BRWD3: variants seen among roughly 807,000 people sequenced by gnomAD.
BRWD3 encodes the protein bromodomain and WD repeat domain containing 3.
BRWD3 carries 10 observed loss-of-function variants against 149.7 expected under a neutral mutation model. That is an observed-to-expected ratio of 0.07 (90% CI 0.04 to 0.11). The LOEUF is 0.11. BRWD3 is among the 10% of genes least tolerant of loss of function. The probability of loss-of-function intolerance (pLI) is 1.00; values close to 1 mark genes in which losing one functional copy is unlikely to be tolerated. For missense variants in BRWD3, 940 were observed against 1,373.2 expected (o/e 0.68, Z 4.99); for synonymous variants, 504 against 456.7 (o/e 1.10, Z -1.32).
intron 27 of BRWD3, among the ~76,000 whole-genome samples, chrX:80,694,474 CA>C (rs2072653283): frequency 9.0e-6 from 1 of 110,818 alleles, no homozygotes; most frequent in African/African-American, 3.3e-5. Context: ...GATCCACCGA[CA>C]ACGTGCGCCG....
chrX:80,739,944 GGACTACGATAATCAAAT>G (rs1338274357), intron 8 of BRWD3, among the ~76,000 whole-genome samples: 1 of 111,716 alleles, frequency 9.0e-6, no homozygotes, highest in Non-Finnish European at 1.9e-5. Context: ...CAGATAAGGG[GGACTACGATAATCAAAT>G]GATTTTTTTC....
At chrX:80,756,502 C>CAAAAAAAAA (rs974549325) in intron 6 of BRWD3, among the ~76,000 whole-genome samples, 6 of 41,320 alleles carry the variant, frequency 1.5e-4, no homozygotes, top group African/African-American at 4.8e-4. Context: ...AACTCTGTCT[C>CAAAAAAAAA]AAAAAAAAAA....
chrX:80,689,792 T>C lies in BRWD3; in HGVS notation c.3783A>G (p.Glu1261=), dbSNP rs2072586816. 1.7e-6 allele frequency: 2 copies of C among 1,202,908 alleles called. No individual in the cohort carries two copies. Among genetic ancestry groups the C allele is most frequent in the East Asian group, 5.9e-5 (2 of 33,725 alleles). The change falls in exon 33 of 41, where the codon GAA becomes GAG. Residue 1261 remains glutamate, a synonymous_variant. Transcript: ENST00000373275. ...LDTYNKIKAE[E]RNSTDAEEDT... The stretch of plus-strand genomic sequence containing the variant: ...CCTCCTCTGCATCAGTACTGTTTCG[T>C]TCTTCTGCTTTAATTTTATTATAAG...
chrX:80,728,411 T>C (rs1247563547), intron 14 of BRWD3, among the ~76,000 whole-genome samples: 1 of 111,369 alleles, frequency 9.0e-6, no homozygotes, highest in East Asian at 2.8e-4. Context: ...ATACCCTTGT[T>C]GAAATAAGGT....
At position 80,676,789 on chromosome X, in the gene BRWD3, T is replaced by C. The variant is rs776826501; in HGVS notation, c.5229A>G (p.Arg1743=). 8.3e-6 allele frequency: 10 copies of C among 1,211,105 alleles called. No homozygotes were observed. The Admixed American group carries it at 2.2e-4, about 26-fold the overall frequency. Residue 1743 remains arginine, a synonymous_variant, in exon 41 of 41, where the codon AGA becomes AGG. Transcript: ENST00000373275. ...FDTMFSGRFS[R]LPRIKTRNQG... ...GGTTTCTTGTTTTAATTCGAGGCAG[T>C]CTACTGAAACGTCCTGAAAACATGG... is the stretch of plus-strand genomic sequence containing the variant.
At chrX:80,776,329 G>A in intron 6 of BRWD3, among the ~76,000 whole-genome samples, 1 of 111,899 alleles carries the variant, frequency 8.9e-6, no homozygotes, top group East Asian at 2.8e-4. Flanking sequence ...AAATATGTTT[G>A]TATTACAACT....
chrX:80,768,432 T>G lies in BRWD3; in HGVS notation c.431-22703A>C, dbSNP rs751798241. On this transcript the variant is annotated intron_variant, in intron 6 of 40. Coordinates refer to ENST00000373275, the MANE Select transcript of BRWD3 (RefSeq NM_153252.5). ...GAGATTGGGGGCCAATATTCAACAT[T>G]CTTAAAGAAAAGAATTTTCAACCCA... 1.3e-3 allele frequency among the ~76,000 whole-genome samples: 141 copies of G among 111,727 alleles called. 1 individual carries two copies. The highest frequency in any genetic ancestry group is 2.5e-3 in the Non-Finnish European group (131 of 53,177).
intron 21 of BRWD3, among the ~76,000 whole-genome samples, chrX:80,708,344 T>C (rs2147723859): frequency 9.2e-6 from 1 of 109,268 alleles, no homozygotes; most frequent in Non-Finnish European, 1.9e-5. Context: ...TGTAGACAGC[T>C]GAGATTGAGC....
chrX:80,796,218 C>T (rs931970563), intron 4 of BRWD3, among the ~76,000 whole-genome samples: 3 of 109,482 alleles, frequency 2.7e-5, no homozygotes, highest in Non-Finnish European at 5.7e-5. Context: ...GCAACCTCCG[C>T]CTCCTGGGTT....
At position 80,691,988 on chromosome X, in the gene BRWD3, A is replaced by C. The variant is rs1205020097; in HGVS notation, c.3326-10T>G. Reference sequence around the variant, plus strand: ...TCATCTGGAAAGGCAGCTAGGTATAAGATAAAAAAAAAAAAATTAGAAAAA... The same window carrying C: ...TCATCTGGAAAGGCAGCTAGGTATACGATAAAAAAAAAAAAATTAGAAAAA... On this transcript the variant is annotated splice_polypyrimidine_tract_variant and intron_variant, in intron 29 of 40. Transcript: ENST00000373275. The C allele has an allele frequency of 8.5e-7, 1 of 1,182,021 alleles. No individual in the cohort carries two copies. Among genetic ancestry groups the C allele is most frequent in the East Asian group, 3.2e-5 (1 of 31,369 alleles).
At chrX:80,728,040 A>G (rs940381160) in intron 14 of BRWD3, among the ~76,000 whole-genome samples, 1 of 112,036 alleles carries the variant, frequency 8.9e-6, no homozygotes, top group Non-Finnish European at 1.9e-5. Flanking sequence ...AAACACCATG[A>G]TATAGTATAA....
At chrX:80,778,261 A>G (rs1341675247) in intron 6 of BRWD3, among the ~76,000 whole-genome samples, 1 of 111,931 alleles carries the variant, frequency 8.9e-6, no homozygotes. Context: ...CAAAAACATT[A>G]TTACCAAAAT....
At chrX:80,743,872 A>G in intron 8 of BRWD3, 160 bp downstream of exon 8, 1 of 402,674 alleles carries the variant, frequency 2.5e-6, no homozygotes. Flanking sequence ...ATGAAAAAGG[A>G]ACTTAAAAAA....
chrX:80,684,236 C>G, intron 36 of BRWD3, 74 bp from the exon 37 acceptor site: 1 of 921,511 alleles, frequency 1.1e-6, no homozygotes, highest in Middle Eastern at 3.5e-4. Context: ...ATTGGTATCA[C>G]CTACTACGAT....
intron 22 of BRWD3, 55 bp from the exon 23 acceptor site, chrX:80,704,901 T>C: frequency 9.3e-7 from 1 of 1,073,397 alleles, no homozygotes; most frequent in Non-Finnish European, 1.3e-6. Context: ...GTAGTTTTAC[T>C]TAATAATTGA....
At chrX:80,773,399 T>C (rs904647550) in intron 6 of BRWD3, among the ~76,000 whole-genome samples, 1 of 111,551 alleles carries the variant, frequency 9.0e-6, no homozygotes, top group East Asian at 2.8e-4. Context: ...CTTGGAGGCA[T>C]AGGCTAAAAT....
At chrX:80,718,231 A>G (rs975377383) in intron 18 of BRWD3, among the ~76,000 whole-genome samples, 2 of 111,988 alleles carry the variant, frequency 1.8e-5, no homozygotes, top group Non-Finnish European at 3.8e-5. Context: ...CATTTTCAAG[A>G]TTGATGAGCA....
intron 3 of BRWD3, 29 bp downstream of exon 3, chrX:80,808,983 CT>C: frequency 8.4e-7 from 1 of 1,193,643 alleles, no homozygotes. Context: ...CACCTCAACC[CT>C]CCCCACCCTT....
At position 80,809,565 on chromosome X, in the gene BRWD3, G is replaced by A; in HGVS notation, c.-94C>T. On this transcript the variant is annotated 5_prime_UTR_variant, in exon 1 of 41. Transcript: ENST00000373275. ...CTATTGTGGTGAAGCCCCCATGCCCGGGAGTCCCGCCGCTTCCGCCGCACT... is the reference window on the plus strand; with the variant it reads ...CTATTGTGGTGAAGCCCCCATGCCCAGGAGTCCCGCCGCTTCCGCCGCACT... 1 of 535,851 alleles carries A rather than the reference G, an allele frequency of 1.9e-6. No individual in the cohort carries two copies. Among genetic ancestry groups the A allele is most frequent in the Admixed American group, 3.8e-5 (1 of 26,217 alleles). 44.2% of individuals were successfully genotyped at this position (535,851 alleles called of 1,213,427 possible).
Sources: gnomAD v4.1 joint callset for allele counts (sites outside exome capture counted in the v4.1 genomes callset) on GRCh38, gnomAD v4.1.1 for gene constraint, MANE v1.5 for transcripts, NCBI Gene and HGNC (gene_info 2026-07-23, HGNC 2026-07-21) for gene names.